Variants in MIB1 observed in about 807,000 individuals in gnomAD.
MIB1 encodes E3 ubiquitin-protein ligase MIB1.
A neutral mutation model predicts 124.5 loss-of-function variants in MIB1; 278 were observed. The observed-to-expected ratio is 2.23, with a 90% CI of 2.02 to 2.47. MIB1 has a LOEUF of 2.47. MIB1 is among the 30% of genes most tolerant of loss of function. The probability of loss-of-function intolerance (pLI) is 0.00; values close to 1 mark genes in which losing one functional copy is unlikely to be tolerated. For synonymous variants in MIB1, 446 were observed against 429.4 expected (o/e 1.04, Z -0.48); for missense variants, 957 against 1,254.4 (o/e 0.76, Z 3.58).
At chr18:21,838,845 T>C (rs997674372) in intron 13 of MIB1, among the ~76,000 whole-genome samples, 1 of 152,192 alleles carries the variant, frequency 6.6e-6, no homozygotes, top group Admixed American at 6.5e-5. Flanking sequence ...ACCATCTGTG[T>C]TGATACTTAA....
chr18:21,852,465 G>A (rs1169837178), intron 17 of MIB1, among the ~76,000 whole-genome samples: 1 of 152,174 alleles, frequency 6.6e-6, no homozygotes, highest in African/African-American at 2.4e-5. Flanking sequence ...ATGGGGTAGG[G>A]ATACAGGAAG....
At position 21,803,976 on chromosome 18, in the gene MIB1, A is replaced by T; in HGVS notation, c.1441A>T (p.Lys481Ter). The change falls in exon 10 of 21, where the codon AAG (lysine) becomes TAG (stop). Residue 481 changes from lysine (K) to a stop codon, truncating the protein, a stop_gained. Transcript: ENST00000261537. LOFTEE classifies it high-confidence loss of function. The part of the protein sequence containing the change: ...ASQNGHVDIL[K>*]LLLKQNVDVE... ...TCAGAATGGACATGTTGACATTTTG[A>T]AGTTACTTTTGAAGCAAAACGTGGA... 6.2e-7 allele frequency: 1 copy of T among 1,613,786 alleles called. No homozygotes were observed. The highest frequency in any genetic ancestry group is 8.5e-7 in the Non-Finnish European group (1 of 1,179,842).
At chr18:21,781,401 ATATATATATAT>A (rs1568199055) in intron 6 of MIB1, among the ~76,000 whole-genome samples, 8 of 79,246 alleles carry the variant, frequency 1.0e-4, no homozygotes, top group African/African-American at 4.3e-4. Context: ...ATATATATAT[ATATATATATAT>A]ATAAAATTAT....
At chr18:21,714,237 G>A (rs1482774023) in intron 1 of MIB1, among the ~76,000 whole-genome samples, 1 of 152,176 alleles carries the variant, frequency 6.6e-6, no homozygotes, top group African/African-American at 2.4e-5. Flanking sequence ...TAACAGACCA[G>A]AGAGGAAGAG....
intron 1 of MIB1, among the ~76,000 whole-genome samples, chr18:21,706,480 G>A (rs1598575478): frequency 1.3e-5 from 2 of 152,162 alleles, no homozygotes; most frequent in African/African-American, 4.8e-5. Context: ...GCTGAGGCCG[G>A]AGCCAGCTCC....
intron 11 of MIB1, 30 bp from the exon 12 acceptor site, chr18:21,819,465 G>A: frequency 1.4e-6 from 2 of 1,429,780 alleles, no homozygotes; most frequent in South Asian, 1.3e-5. Flanking sequence ...ATTAATTGAA[G>A]AACTAATGAA....
chr18:21,783,455 C>T (rs1176874377), intron 6 of MIB1, among the ~76,000 whole-genome samples: 2 of 152,016 alleles, frequency 1.3e-5, no homozygotes, highest in African/African-American at 4.8e-5. Flanking sequence ...ATTAGTCAGG[C>T]TGGTCTCTAA....
chr18:21,813,959 T>C (rs1373532471), intron 10 of MIB1, among the ~76,000 whole-genome samples: 1 of 152,194 alleles, frequency 6.6e-6, no homozygotes, highest in Non-Finnish European at 1.5e-5. Flanking sequence ...CGCTTATACC[T>C]ACTACCCTTT....
At chr18:21,797,006 A>G (rs2041589799) in intron 7 of MIB1, among the ~76,000 whole-genome samples, 1 of 152,156 alleles carries the variant, frequency 6.6e-6, no homozygotes, top group Admixed American at 6.6e-5. Flanking sequence ...CTTGATTTAA[A>G]CAAACAAAAA....
At chr18:21,759,981 G>A (rs994077353) in intron 1 of MIB1, among the ~76,000 whole-genome samples, 1 of 152,098 alleles carries the variant, frequency 6.6e-6, no homozygotes, top group African/African-American at 2.4e-5. Context: ...GTTAAACTCA[G>A]GCAAGATACC....
At chr18:21,841,173 C>G (rs1479592292) in intron 13 of MIB1, among the ~76,000 whole-genome samples, 1 of 152,138 alleles carries the variant, frequency 6.6e-6, no homozygotes, top group East Asian at 1.9e-4. Context: ...TGATACCAGC[C>G]TGGCCAACAT....
intron 6 of MIB1, among the ~76,000 whole-genome samples, chr18:21,781,638 C>T (rs2041369406): frequency 1.3e-5 from 2 of 151,630 alleles, no homozygotes; most frequent in African/African-American, 4.8e-5. Context: ...TGATCTTGAA[C>T]CCCTGACCTC....
At chr18:21,769,794 C>G (rs917837108) in intron 3 of MIB1, among the ~76,000 whole-genome samples, 2 of 152,202 alleles carry the variant, frequency 1.3e-5, no homozygotes, top group South Asian at 2.1e-4. Flanking sequence ...ATAAATGGAA[C>G]TTCCTGGTTT....
chr18:21,814,801 T>A (rs1339824951), intron 10 of MIB1, among the ~76,000 whole-genome samples: 1 of 151,264 alleles, frequency 6.6e-6, no homozygotes, highest in Non-Finnish European at 1.5e-5. Context: ...CTTGAACTCC[T>A]AACTTCAGGT....
At chr18:21,841,895 T>G (rs2042092663) in intron 13 of MIB1, among the ~76,000 whole-genome samples, 1 of 151,984 alleles carries the variant, frequency 6.6e-6, no homozygotes, top group Non-Finnish European at 1.5e-5. Flanking sequence ...TAGTGAAATG[T>G]CAATGATGGA....
chr18:21,812,342 A>G (rs145428723), intron 10 of MIB1: 25 of 152,366 alleles, frequency 1.6e-4, no homozygotes, highest in African/African-American at 5.3e-4. Context: ...TGTTTTGTAC[A>G]TAGTAGAGAG....
chr18:21,799,783 C>T (rs1051899194), intron 8 of MIB1, 58 bp from the exon 9 acceptor site: 20 of 1,509,672 alleles, frequency 1.3e-5, no homozygotes, highest in Non-Finnish European at 1.8e-5. Flanking sequence ...ATACTTGTTT[C>T]TTAGTAGTTA....
chr18:21,742,081 A>G (rs2040860092), intron 1 of MIB1, among the ~76,000 whole-genome samples: 1 of 152,184 alleles, frequency 6.6e-6, no homozygotes, highest in African/African-American at 2.4e-5. Context: ...AGCACCGGGA[A>G]GAGAACAGAC....
At chr18:21,761,391 T>A (rs980782062) in intron 1 of MIB1, among the ~76,000 whole-genome samples, 12 of 152,224 alleles carry the variant, frequency 7.9e-5, no homozygotes, top group Middle Eastern at 3.2e-3. Context: ...ATTAGTTTTT[T>A]AAAATTCACA....
Sources: gnomAD v4.1 joint callset for allele counts (sites outside exome capture counted in the v4.1 genomes callset) on GRCh38, gnomAD v4.1.1 for gene constraint, MANE v1.5 for transcripts, NCBI Gene and HGNC (gene_info 2026-07-23, HGNC 2026-07-21) for gene names.